The following CCDC171 variants were observed in gnomAD, a reference collection of about 807,000 sequenced individuals.
CCDC171 encodes the protein coiled-coil domain containing 171.
A neutral mutation model predicts 168.2 loss-of-function variants in CCDC171; 177 were observed. The observed-to-expected ratio is 1.05, with a 90% CI of 0.93 to 1.19. CCDC171 has a LOEUF of 1.19. Among genes scored for constraint, CCDC171 ranks in the 50% most tolerant of loss-of-function variants. The pLI is 0.00. For missense variants in CCDC171, 1,991 were observed against 1,539.0 expected (o/e 1.29, Z -4.91); for synonymous variants, 687 against 540.8 (o/e 1.27, Z -3.75).
chr9:15,806,910 T>C (rs1166524945), intron 21 of CCDC171, among the ~76,000 whole-genome samples: 1 of 152,134 alleles, frequency 6.6e-6, no homozygotes, highest in East Asian at 1.9e-4. Flanking sequence ...TCTCAGAGGC[T>C]TTATTTGTTT....
chr9:15,735,020 T>C (rs1169058322), intron 16 of CCDC171, among the ~76,000 whole-genome samples: 1 of 152,174 alleles, frequency 6.6e-6, no homozygotes, highest in African/African-American at 2.4e-5. Flanking sequence ...AAAAACAATA[T>C]TTGGATTTGA....
chr9:16,040,827 C>T (rs1246872738), upstream of CCDC171, among the ~76,000 whole-genome samples: 1 of 152,112 alleles, frequency 6.6e-6, no homozygotes, highest in African/African-American at 2.4e-5. Context: ...TTCTGTACCC[C>T]AAACACACAT....
upstream of CCDC171, among the ~76,000 whole-genome samples, chr9:16,039,073 G>T (rs1393181336): frequency 3.3e-5 from 5 of 152,198 alleles, no homozygotes; most frequent in Non-Finnish European, 7.3e-5. Flanking sequence ...GGGAAGTAAA[G>T]CTGACTTTAA....
intron 3 of CCDC171, among the ~76,000 whole-genome samples, chr9:15,991,533 A>G (rs1361587528): frequency 6.6e-6 from 1 of 151,848 alleles, no homozygotes; most frequent in African/African-American, 2.4e-5. Flanking sequence ...GAGAAGCAAG[A>G]GCAAACACAT....
At chr9:15,984,913 A>G (rs912817548) in intron 3 of CCDC171, among the ~76,000 whole-genome samples, 1 of 152,148 alleles carries the variant, frequency 6.6e-6, no homozygotes, top group Non-Finnish European at 1.5e-5. Context: ...AACCCAGTCT[A>G]TTGGTAATTT....
intron 24 of CCDC171, among the ~76,000 whole-genome samples, chr9:15,911,061 A>G (rs1353340185): frequency 1.3e-5 from 2 of 152,210 alleles, no homozygotes; most frequent in African/African-American, 4.8e-5. Context: ...GTATATACCC[A>G]GTAATGGGAT....
intron 21 of CCDC171, among the ~76,000 whole-genome samples, chr9:15,794,575 G>T (rs373472035): frequency 8.0e-5 from 12 of 149,360 alleles, no homozygotes; most frequent in African/African-American, 3.0e-4. Context: ...CACTTATTCT[G>T]TTGGCATCTT....
intron 7 of CCDC171, among the ~76,000 whole-genome samples, chr9:15,633,442 A>G (rs1002930466): frequency 6.6e-6 from 1 of 152,258 alleles, no homozygotes; most frequent in Non-Finnish European, 1.5e-5. Flanking sequence ...GTCACTGGCC[A>G]TCAGAGAAAT....
chr9:15,778,111 C>T (rs1207181503), intron 19 of CCDC171, among the ~76,000 whole-genome samples: 2 of 148,098 alleles, frequency 1.4e-5, no homozygotes, highest in African/African-American at 5.0e-5. Flanking sequence ...TCCTGGCTAA[C>T]AAGGTGAAAC....
At chr9:15,933,426 T>G (rs1443927240) in intron 25 of CCDC171, among the ~76,000 whole-genome samples, 2 of 151,958 alleles carry the variant, frequency 1.3e-5, no homozygotes, top group East Asian at 3.9e-4. Context: ...GCTAAAGGTT[T>G]GTCAATTTTG....
Position 15,743,769 on chromosome 9 carries a change from T to C in CCDC171, c.2050-504T>C, listed in dbSNP as rs981343992. Among the ~76,000 whole-genome samples, 10 of 152,220 alleles carry C rather than the reference T, an allele frequency of 6.6e-5. No homozygotes were observed. In the South Asian group the frequency reaches 2.1e-3, roughly 32 times the overall value. The stretch of plus-strand genomic sequence containing the variant: ...GTGAGTATCCTTGAGAGACAGTGCC[T>C]TCTCATGCAGTAAATGGTAGACCAT... On this transcript the variant is annotated intron_variant, in intron 16 of 25. Coordinates refer to ENST00000380701, the MANE Select transcript of CCDC171 (RefSeq NM_173550.4).
intron 16 of CCDC171, among the ~76,000 whole-genome samples, chr9:15,739,421 C>CCTTA (rs1048122896): frequency 3.9e-5 from 6 of 152,024 alleles, no homozygotes; most frequent in Non-Finnish European, 8.8e-5. Flanking sequence ...GAGGGGAGAA[C>CCTTA]CTTAGTTCAG....
At position 16,044,133 on chromosome 9, in the gene CCDC171, C is replaced by A. The variant is rs1178732492; in HGVS notation, n.89+1247C>A. On this transcript the variant is annotated intron_variant and non_coding_transcript_variant, in intron 1 of 1. Transcript: ENST00000478913. ...CCCCCTTCTATTCAGCAACAATACA[C>A]TACTTCTTTTCAAAGAGAAATATGC... Among the ~76,000 whole-genome samples the A allele has an allele frequency of 3.3e-5, 5 of 152,310 alleles. No individual in the cohort carries two copies. The East Asian group carries it at 9.7e-4, about 29-fold the overall frequency.
At chr9:15,710,088 T>G (rs2052544995) in intron 11 of CCDC171, among the ~76,000 whole-genome samples, 1 of 152,190 alleles carries the variant, frequency 6.6e-6, no homozygotes, top group African/African-American at 2.4e-5. Context: ...CATAAATATT[T>G]AACTTTGACT....
intron 6 of CCDC171, among the ~76,000 whole-genome samples, chr9:16,031,013 T>A (rs538219170): frequency 5.3e-5 from 8 of 152,068 alleles, no homozygotes; most frequent in Non-Finnish European, 1.0e-4. Context: ...CCAAGTCGAG[T>A]CTGGGGCCAG....
Position 15,827,452 on chromosome 9 carries a change from G to T in CCDC171, c.3268-19250G>T, listed in dbSNP as rs144774394. On this transcript the variant is annotated intron_variant, in intron 21 of 25. Transcript: ENST00000380701. ...TCTCCTACATACACTCTAGGTTGAA[G>T]ATTGAAGCTTTCACTGCTTTCTAAA... Among the ~76,000 whole-genome samples, 20 of 152,288 alleles carry T rather than the reference G, an allele frequency of 1.3e-4. No homozygotes were observed. In the East Asian group the frequency reaches 2.5e-3, roughly 19 times the overall value.
At chr9:15,705,463 G>T (rs1387767179) in intron 11 of CCDC171, among the ~76,000 whole-genome samples, 2 of 152,044 alleles carry the variant, frequency 1.3e-5, no homozygotes, top group Non-Finnish European at 2.9e-5. Context: ...CTAGCTTCTT[G>T]CCATTTCTTG....
intron 18 of CCDC171, among the ~76,000 whole-genome samples, chr9:15,771,301 C>T (rs1253864595): frequency 6.6e-6 from 1 of 152,080 alleles, no homozygotes; most frequent in Non-Finnish European, 1.5e-5. Flanking sequence ...ATTGTTCTTT[C>T]ATGAACAGTG....
At chr9:15,598,907 C>T (rs762591775) in intron 6 of CCDC171, among the ~76,000 whole-genome samples, 16 of 151,986 alleles carry the variant, frequency 1.1e-4, no homozygotes, top group Admixed American at 2.0e-4. Flanking sequence ...TATGTAATGG[C>T]CTTCTTTGTC....
Sources: allele counts gnomAD v4.1 joint callset (sites outside exome capture counted in the v4.1 genomes callset), GRCh38; gene constraint gnomAD v4.1.1; transcripts MANE v1.5; gene names NCBI Gene and HGNC (gene_info 2026-07-23, HGNC 2026-07-21).